PCDHGA1: variants seen among roughly 807,000 people sequenced by gnomAD.
PCDHGA1 encodes the protein protocadherin gamma-A1.
A neutral mutation model predicts 58.0 loss-of-function variants in PCDHGA1; 32 were observed. The observed-to-expected ratio is 0.55, with a 90% CI of 0.42 to 0.74. The LOEUF (loss-of-function observed/expected upper bound fraction) is 0.74. PCDHGA1 is among the 30% of genes least tolerant of loss of function. PCDHGA1 has a pLI of 0.00. For synonymous variants in PCDHGA1, 498 were observed against 501.1 expected (o/e 0.99, Z 0.08); for missense variants, 1,205 against 1,182.3 (o/e 1.02, Z -0.28).
chr5:141,458,609 A>T (rs1037852455), intron 1 of PCDHGA1, among the ~76,000 whole-genome samples: 1 of 152,004 alleles, frequency 6.6e-6, no homozygotes, highest in Non-Finnish European at 1.5e-5. Flanking sequence ...TCACTCTGTC[A>T]GCCAGGCTGG....
At position 141,490,753 on chromosome 5, in the gene PCDHGA1, T is replaced by C; in HGVS notation, c.2422-4054T>C. ...TCAGGTTCAGGGAGCCCCAGCCTCC[T>C]CCTTTGTGTATGTCAACCCAGAGGA... On this transcript the variant is annotated intron_variant, in intron 1 of 3. Transcript: ENST00000517417. This position sits in a 1 kb window ranked among gnomAD's most constrained non-coding sequence, Gnocchi z 5.4. 1 of 1,614,184 alleles carries C rather than the reference T, an allele frequency of 6.2e-7. No individual in the cohort carries two copies. The highest frequency in any genetic ancestry group is 8.5e-7 in the Non-Finnish European group (1 of 1,180,024).
chr5:141,352,800 G>A (rs1410243639), intron 1 of PCDHGA1: 9 of 919,340 alleles, frequency 9.8e-6, no homozygotes, highest in South Asian at 3.4e-5. Context: ...GACCAGCATA[G>A]CCAAGATGGT....
intron 1 of PCDHGA1, among the ~76,000 whole-genome samples, chr5:141,464,286 A>AT (rs1453289283): frequency 6.6e-6 from 1 of 151,420 alleles, no homozygotes; most frequent in African/African-American, 2.4e-5. Flanking sequence ...AAGCAAAAAA[A>AT]AAAACTCCAT....
Position 141,398,941 on chromosome 5 carries a change from G to A in PCDHGA1, c.2421+65836G>A. 4.3e-6 allele frequency: 7 copies of A among 1,613,890 alleles called. No homozygotes were observed. The highest frequency in any genetic ancestry group is 5.9e-6 in the Non-Finnish European group (7 of 1,179,892). ...AGTGTCAGCCACTGACCAAGACGAG[G>A]GCATCAACTCAGAAATTACTTATTC... is the stretch of plus-strand genomic sequence containing the variant. On this transcript the variant is annotated intron_variant, in intron 1 of 3. Transcript: ENST00000517417.
Position 141,331,931 on chromosome 5 carries a change from C to G in PCDHGA1, c.1247C>G (p.Ser416Cys). The G allele has an allele frequency of 6.2e-7, 1 of 1,614,136 alleles. No individual in the cohort carries two copies. The change falls in exon 1 of 4, where the codon TCT (serine) becomes TGT (cysteine). Residue 416 changes from serine to cysteine, a missense_variant. Coordinates refer to ENST00000517417, the MANE Select transcript of PCDHGA1 (RefSeq NM_018912.3). ...AGAACACTGGACAGAGAACTTATCT[C>G]TGGGTACAACATCACAATAACAGCA... is the stretch of plus-strand genomic sequence containing the variant. ...TERTLDRELISGYNITITAID... is the reference protein window; with the variant it reads ...TERTLDRELICGYNITITAID...
intron 1 of PCDHGA1, chr5:141,422,115 T>G: frequency 6.2e-7 from 1 of 1,605,004 alleles, no homozygotes; most frequent in Non-Finnish European, 8.5e-7. Context: ...TCCAATTGGA[T>G]TCACAAACTG....
At chr5:141,337,835 G>T (rs1756707882) in intron 1 of PCDHGA1, among the ~76,000 whole-genome samples, 1 of 152,206 alleles carries the variant, frequency 6.6e-6, no homozygotes, top group Admixed American at 6.5e-5. Flanking sequence ...CTTGGAAAAT[G>T]AATATCAGAA....
At chr5:141,356,099 A>T in intron 1 of PCDHGA1, 1 of 1,613,882 alleles carries the variant, frequency 6.2e-7, no homozygotes, top group Non-Finnish European at 8.5e-7. Context: ...CTGAGTGGGG[A>T]TATAACAATA....
chr5:141,344,125 T>C, intron 1 of PCDHGA1: 1 of 1,614,018 alleles, frequency 6.2e-7, no homozygotes, highest in Non-Finnish European at 8.5e-7. Flanking sequence ...TCCGGTCAGA[T>C]CCGCTACTCG....
Position 141,403,961 on chromosome 5 carries a change from G to A in PCDHGA1, c.2421+70856G>A, listed in dbSNP as rs763967342. 8.1e-6 allele frequency: 13 copies of A among 1,613,892 alleles called. No individual in the cohort carries two copies. Among genetic ancestry groups the A allele is most frequent in the Non-Finnish European group, 1.1e-5 (13 of 1,179,856 alleles). On this transcript the variant is annotated intron_variant, in intron 1 of 3. Transcript: ENST00000517417. ...AGGGTGGACAAAAGTGCTCATTTCG[G>A]TGGAAGATGTAAATGACAATAGACC...
chr5:141,472,928 G>A (rs926768431), intron 1 of PCDHGA1, among the ~76,000 whole-genome samples: 13 of 150,136 alleles, frequency 8.7e-5, no homozygotes, highest in Admixed American at 2.7e-4. Flanking sequence ...GGAGGTTGTG[G>A]TGAGCCAAGA....
intron 1 of PCDHGA1, chr5:141,352,277 G>A: frequency 1.2e-6 from 2 of 1,614,062 alleles, no homozygotes; most frequent in Non-Finnish European, 1.7e-6. Context: ...AGACCTCAGC[G>A]ACCGCCCTGA....
chr5:141,365,163 C>T (rs1383856831), intron 1 of PCDHGA1: 1 of 1,613,918 alleles, frequency 6.2e-7, no homozygotes, highest in South Asian at 1.1e-5. Flanking sequence ...GGGAAATTGA[C>T]CTACTCTTTT....
At chr5:141,483,104 A>G (rs2099577128) in intron 1 of PCDHGA1, among the ~76,000 whole-genome samples, 1 of 152,140 alleles carries the variant, frequency 6.6e-6, no homozygotes, top group African/African-American at 2.4e-5. Flanking sequence ...GTGTGCGTGT[A>G]AAACAGACAG....
intron 1 of PCDHGA1, among the ~76,000 whole-genome samples, chr5:141,482,988 G>A (rs982148755): frequency 2.6e-5 from 4 of 152,112 alleles, no homozygotes; most frequent in South Asian, 2.1e-4. Context: ...GAGAGGTCGA[G>A]GCAGGAGAAT....
intron 1 of PCDHGA1, chr5:141,426,294 CAG>C (rs555591649): frequency 1.2e-4 from 20 of 167,070 alleles, no homozygotes; most frequent in African/African-American, 4.5e-4. Context: ...GGATGGGAAA[CAG>C]GGTGAAGCAG....
At chr5:141,407,969 A>C (rs900029714) in intron 1 of PCDHGA1, 1 of 708,308 alleles carries the variant, frequency 1.4e-6, no homozygotes, top group Non-Finnish European at 2.2e-6. Flanking sequence ...GCAAGCGCTG[A>C]CGCCGGGGAT....
At position 141,491,070 on chromosome 5, in the gene PCDHGA1, G is replaced by T. The variant is rs1405880268; in HGVS notation, c.2422-3737G>T. On this transcript the variant is annotated intron_variant, in intron 1 of 3. Transcript: ENST00000517417. The surrounding 1 kb of genome is among the most constrained non-coding windows in gnomAD (Gnocchi z 6.9). ...ATGCGTGGCTCTCCTACTCACTGTTGCCACAGTCCACAGCCCCAGGACTGT... is the reference window on the plus strand; with the variant it reads ...ATGCGTGGCTCTCCTACTCACTGTTTCCACAGTCCACAGCCCCAGGACTGT... 6.2e-7 allele frequency: 1 copy of T among 1,614,162 alleles called. No homozygotes were observed. Among genetic ancestry groups the T allele is most frequent in the Non-Finnish European group, 8.5e-7 (1 of 1,180,038 alleles).
intron 1 of PCDHGA1, among the ~76,000 whole-genome samples, chr5:141,401,525 G>A (rs1055771013): frequency 6.6e-6 from 1 of 152,096 alleles, no homozygotes; most frequent in Non-Finnish European, 1.5e-5. Flanking sequence ...ATTACCAGAA[G>A]AAACTTACAA....
Sources: allele counts gnomAD v4.1 joint callset (sites outside exome capture counted in the v4.1 genomes callset), GRCh38; gene constraint gnomAD v4.1.1; non-coding constraint Gnocchi (gnomAD v3.1); transcripts MANE v1.5; gene names NCBI Gene and HGNC (gene_info 2026-07-23, HGNC 2026-07-21).